The following RPS11 variants were observed in gnomAD, a reference collection of about 807,000 sequenced individuals.
RPS11 encodes ribosomal protein S11.
For synonymous variants in RPS11, 107 were observed against 78.0 expected (o/e 1.37, Z -1.96); for missense variants, 127 against 211.4 (o/e 0.60, Z 2.48).
intron 4 of RPS11, among the ~76,000 whole-genome samples, chr19:49,499,299 GGGT>G (rs1233321343): frequency 3.3e-5 from 5 of 152,188 alleles, no homozygotes; most frequent in Admixed American, 2.0e-4. Flanking sequence ...GTCCTCGGAG[GGGT>G]GGTGGCCTGC....
At position 49,497,663 on chromosome 19, in the gene RPS11, C is replaced by T. The variant is rs2079913602; in HGVS notation, c.223+68C>T. The T allele has an allele frequency of 3.5e-6, 5 of 1,430,586 alleles. No homozygotes were observed. The South Asian group carries it at 4.6e-5, about 13-fold the overall frequency. 88.6% of individuals were successfully genotyped at this position (1,430,586 alleles called of 1,614,324 possible). A position where few individuals can be genotyped will look rare whatever the true frequency, so the allele number is the denominator to read the frequency against. The stretch of plus-strand genomic sequence containing the variant: ...AAGAAGGGTCTTGGGGCCCAGACTC[C>T]TGGGTCCTGGGTGAGAGGGGTGGTT... On this transcript the variant is annotated intron_variant, in intron 3 of 4. Coordinates refer to ENST00000270625, the MANE Select transcript of RPS11 (RefSeq NM_001015.5).
intron 4 of RPS11, among the ~76,000 whole-genome samples, chr19:49,498,519 A>G (rs2079918845): frequency 6.6e-6 from 1 of 152,236 alleles, no homozygotes; most frequent in Non-Finnish European, 1.5e-5. Context: ...TAGGAGGCTG[A>G]GGCAGGAGGA....
At chr19:49,498,429 A>G (rs1275619320) in intron 4 of RPS11, among the ~76,000 whole-genome samples, 1 of 152,200 alleles carries the variant, frequency 6.6e-6, no homozygotes. Context: ...ACCATTGGAA[A>G]GCAAAGGTGT....
intron 4 of RPS11, 29 bp downstream of exon 4, chr19:49,498,075 A>T (rs1338661806): frequency 5.0e-6 from 8 of 1,611,224 alleles, no homozygotes; most frequent in Non-Finnish European, 3.4e-6. Context: ...CAGGTTGCTC[A>T]GGCCACGCTC....
At chr19:49,499,482 C>G (rs748844082) in intron 4 of RPS11, 30 bp from the exon 5 acceptor site, 1 of 1,606,664 alleles carries the variant, frequency 6.2e-7, no homozygotes, top group Non-Finnish European at 8.5e-7. Context: ...GTGGCCCCTC[C>G]TGAGGACATG....
intron 4 of RPS11, chr19:49,498,371 C>G (rs10418549): frequency 0.014 from 4,794 of 341,662 alleles, 214 homozygotes; most frequent in African/African-American, 0.09. Context: ...AGTAGTCTTA[C>G]GCAGTGCGTT....
In RPS11 at chr19:49,496,461, C is replaced by T. The variant is rs751510079; in HGVS notation, c.5C>T (p.Ala2Val). 9.3e-6 allele frequency: 15 copies of T among 1,611,680 alleles called. No individual in the cohort carries two copies. Among genetic ancestry groups the T allele is most frequent in the African/African-American group, 1.3e-5 (1 of 74,558 alleles). The change falls in exon 1 of 5, where the codon GCG becomes GTG. Residue 2 changes from alanine to valine, a missense_variant. Physicochemically the swap from Ala to Val is moderately conservative, Grantham distance 64. Coordinates refer to ENST00000270625, the MANE Select transcript of RPS11 (RefSeq NM_001015.5). ...TTTTTTCAGGCGGCCGGGAAGATGG[C>T]GGACATTCAGGTGCGGACTCGGGGT... M[A>V]DIQTERAYQK...
intron 4 of RPS11, chr19:49,498,385 T>C (rs373602366): frequency 4.2e-5 from 13 of 310,884 alleles, no homozygotes; most frequent in African/African-American, 2.6e-4. Context: ...GTGCGTTTTA[T>C]AATTCTGTGT....
At position 49,497,316 on chromosome 19, in the gene RPS11, A is replaced by G; in HGVS notation, c.138A>G (p.Thr46=). ...AGAACATCGGTCTGGGCTTCAAGAC[A>G]CCCAAGGAGGTGCGGGGAACCTCAG... ...YYKNIGLGFK[T]PKEAIEGTYI... Residue 46 remains threonine (T), a synonymous_variant, in exon 2 of 5, where the codon ACA becomes ACG. Coordinates refer to ENST00000270625, the MANE Select transcript of RPS11 (RefSeq NM_001015.5). 1 of 1,614,098 alleles carries G rather than the reference A, an allele frequency of 6.2e-7. No individual in the cohort carries two copies. Among genetic ancestry groups the G allele is most frequent in the East Asian group, 2.2e-5 (1 of 44,876 alleles).
intron 1 of RPS11, 90 bp from the exon 2 acceptor site, chr19:49,497,104 G>C: frequency 6.7e-7 from 1 of 1,482,404 alleles, no homozygotes; most frequent in South Asian, 1.2e-5. Flanking sequence ...TAGAGCATGG[G>C]GTCTGGGAGG....
intron 1 of RPS11, among the ~76,000 whole-genome samples, 182 bp downstream of exon 1, chr19:49,496,653 C>T (rs1002960613): frequency 2.0e-4 from 30 of 152,208 alleles, no homozygotes; most frequent in African/African-American, 6.3e-4. Flanking sequence ...CTTCCTAATT[C>T]CTGGGGGCTC....
At chr19:49,496,493 C>T (rs368951779) in intron 1 of RPS11, 22 bp downstream of exon 1, 3 of 1,606,560 alleles carry the variant, frequency 1.9e-6, no homozygotes, top group Admixed American at 1.7e-5. Context: ...GGGTTGGATG[C>T]CAGGGTGCGG....
chr19:49,499,479 C>T (rs1272780016), intron 4 of RPS11, 33 bp from the exon 5 acceptor site: 1 of 1,605,230 alleles, frequency 6.2e-7, no homozygotes, highest in Non-Finnish European at 8.5e-7. Context: ...GGGGTGGCCC[C>T]TCCTGAGGAC....
At chr19:49,497,654 CCCAGACT>C in intron 3 of RPS11, 59 bp downstream of exon 3, 1 of 1,503,290 alleles carries the variant, frequency 6.7e-7, no homozygotes, top group Non-Finnish European at 9.3e-7. Context: ...GGTCTTGGGG[CCCAGACT>C]CCTGGGTCCT....
At chr19:49,497,484 C>T in intron 2 of RPS11, 36 bp from the exon 3 acceptor site, 1 of 1,608,602 alleles carries the variant, frequency 6.2e-7, no homozygotes. Flanking sequence ...AACCGCCCGC[C>T]CAAGGCTCAC....
chr19:49,498,179 G>A (rs2079916911), intron 4 of RPS11, 133 bp downstream of exon 4: 2 of 944,550 alleles, frequency 2.1e-6, no homozygotes, highest in Non-Finnish European at 3.3e-6. Flanking sequence ...AGAATCTCAG[G>A]ATTTGTATAT....
chr19:49,499,646 C>T lies in RPS11; in HGVS notation c.*11C>T, dbSNP rs367956990. On this transcript the variant is annotated 3_prime_UTR_variant, in exon 5 of 5. Transcript: ENST00000270625. Reference sequence around the variant, plus strand: ...TTCCAGAAGTTCTGAGGCTGGACATCGGCCCGCTCCCCACAATGAAATAAA... The same window carrying T: ...TTCCAGAAGTTCTGAGGCTGGACATTGGCCCGCTCCCCACAATGAAATAAA... The T allele has an allele frequency of 2.0e-5, 32 of 1,612,266 alleles. No homozygotes were observed. The highest frequency in any genetic ancestry group is 3.3e-5 in the South Asian group (3 of 90,996).
At chr19:49,496,805 C>G (rs1244443487) in intron 1 of RPS11, among the ~76,000 whole-genome samples, 1 of 152,056 alleles carries the variant, frequency 6.6e-6, no homozygotes, top group Non-Finnish European at 1.5e-5. Context: ...AGCCTGCCGT[C>G]TGGTATTTAA....
chr19:49,499,297 A>G (rs1275146097), intron 4 of RPS11, among the ~76,000 whole-genome samples: 2 of 152,040 alleles, frequency 1.3e-5, no homozygotes, highest in Non-Finnish European at 2.9e-5. Context: ...CGGTCCTCGG[A>G]GGGGTGGTGG....
Sources: gnomAD v4.1 joint callset for allele counts (sites outside exome capture counted in the v4.1 genomes callset) on GRCh38, gnomAD v4.1.1 for gene constraint, MANE v1.5 for transcripts, NCBI Gene and HGNC (gene_info 2026-07-23, HGNC 2026-07-21) for gene names.